The following NSD1 variants were observed in gnomAD, a reference collection of about 807,000 sequenced individuals.
NSD1 encodes the protein nuclear receptor binding SET domain protein 1.
In NSD1, 26 loss-of-function variants were observed where a neutral mutation model predicts 242.7. That is an observed-to-expected ratio of 0.11 (90% CI 0.08 to 0.15). NSD1 has a LOEUF of 0.15. Ranked by LOEUF, NSD1 falls within the 10% of genes least tolerant of loss-of-function variation. The probability of loss-of-function intolerance (pLI) is 1.00; values close to 1 mark genes in which losing one functional copy is unlikely to be tolerated. For synonymous variants in NSD1, 1,106 were observed against 1,178.1 expected (o/e 0.94, Z 1.25); for missense variants, 2,495 against 3,272.8 (o/e 0.76, Z 5.80).
At chr5:177,136,360 T>A (rs930269829) in intron 2 of NSD1, 14 of 231,778 alleles carry the variant, frequency 6.0e-5, no homozygotes, top group Middle Eastern at 1.6e-3. Context: ...GGTTTTGGCC[T>A]GCCAGCACCA....
chr5:177,229,253 C>T (rs1048737488), intron 5 of NSD1, among the ~76,000 whole-genome samples: 4 of 152,094 alleles, frequency 2.6e-5, no homozygotes, highest in African/African-American at 9.7e-5. Context: ...CTGAGGTCTA[C>T]GGCTATTGCT....
rs1230109287 is a variant in NSD1, at chr5:177,212,007, T to G, written c.3608T>G (p.Phe1203Cys). ...CCTGTGCAGGAGGGGCGGGATGAGT[T>G]TCCAGAGCATAGAACTCCTTCAGCA... ...SDPVQEGRDEFPEHRTPSASI... is the reference protein window; with the variant it reads ...SDPVQEGRDECPEHRTPSASI... The change falls in exon 5 of 23, where the codon TTT becomes TGT. Residue 1203 changes from phenylalanine to cysteine, a missense_variant. Around this residue, in one of 19 missense-constraint regions of NSD1, gnomAD observed 426 missense variants for 411.4 expected, o/e 1.04. Coordinates refer to ENST00000439151, the MANE Select transcript of NSD1 (RefSeq NM_022455.5). 3.1e-6 allele frequency: 5 copies of G among 1,613,882 alleles called. No homozygotes were observed. Among genetic ancestry groups the G allele is most frequent in the Non-Finnish European group, 4.2e-6 (5 of 1,179,946 alleles).
intron 16 of NSD1, among the ~76,000 whole-genome samples, chr5:177,270,433 G>T (rs1757862120): frequency 6.6e-6 from 1 of 152,202 alleles, no homozygotes; most frequent in Non-Finnish European, 1.5e-5. Flanking sequence ...ATTATAAAAA[G>T]TGTCCCTGCA....
intron 2 of NSD1, among the ~76,000 whole-genome samples, chr5:177,164,449 G>C (rs1189344506): frequency 1.3e-5 from 2 of 151,918 alleles, no homozygotes; most frequent in Non-Finnish European, 2.9e-5. Context: ...GAGCCACTGC[G>C]CCCGGGCTCA....
At chr5:177,190,966 CTTTTTTT>C (rs70991598) in intron 2 of NSD1, among the ~76,000 whole-genome samples, 1 of 127,382 alleles carries the variant, frequency 7.9e-6, no homozygotes, top group Admixed American at 8.1e-5. Context: ...TGCACCCAGC[CTTTTTTT>C]TTTTTTTCTT....
rs957001754 is a variant in NSD1, at chr5:177,204,007, C to T, written c.1064-113C>T. The T allele has an allele frequency of 6.0e-6, 6 of 993,604 alleles. No homozygotes were observed. The Admixed American group carries it at 8.6e-5, about 14-fold the overall frequency. The allele number at this position is 993,604 out of a possible 1,614,324, so 61.5% of individuals were successfully genotyped here. On this transcript the variant is annotated intron_variant, in intron 3 of 22. Coordinates refer to ENST00000439151, the MANE Select transcript of NSD1 (RefSeq NM_022455.5). The stretch of plus-strand genomic sequence containing the variant: ...ATTCTAGGTTGTCTAGTTCAGTGGG[C>T]ATGTTAGTTGTTTCCAGACAGTCTT...
chr5:177,282,412 T>A, intron 18 of NSD1, 53 bp from the exon 19 acceptor site: 1 of 1,078,572 alleles, frequency 9.3e-7, no homozygotes, highest in Non-Finnish European at 1.4e-6. Context: ...TGTATACATT[T>A]GGATACCAGT....
At chr5:177,185,858 AT>A (rs1487529759) in intron 2 of NSD1, among the ~76,000 whole-genome samples, 8 of 87,888 alleles carry the variant, frequency 9.1e-5, no homozygotes, top group African/African-American at 3.4e-4. Flanking sequence ...TATATTATAT[AT>A]TATATATTTA....
At position 177,257,973 on chromosome 5, in the gene NSD1, C is replaced by CTTTTTTT. The variant is rs35034666; in HGVS notation, c.4966+840_4966+846dup. On this transcript the variant is annotated intron_variant, in intron 13 of 22. Coordinates refer to ENST00000439151, the MANE Select transcript of NSD1 (RefSeq NM_022455.5). Reference sequence around the variant, plus strand: ...GCCACCACGCGTGGCCCCCCTGGGCCTTTTTTTTTTTTTTTTTTTTTTTTG... The same window carrying CTTTTTTT: ...GCCACCACGCGTGGCCCCCCTGGGCCTTTTTTTTTTTTTTTTTTTTTTTTTTTTTTTG... Among the ~76,000 whole-genome samples the CTTTTTTT allele has an allele frequency of 1.7e-3, 89 of 52,550 alleles. 2 individuals are homozygous for CTTTTTTT. The highest frequency in any genetic ancestry group is 2.1e-3 in the South Asian group (2 of 972). 34.5% of individuals were successfully genotyped at this position (52,550 alleles called of 152,430 possible).
At chr5:177,277,862 A>T in intron 17 of NSD1, among the ~76,000 whole-genome samples, 1 of 152,188 alleles carries the variant, frequency 6.6e-6, no homozygotes, top group East Asian at 1.9e-4. Context: ...AAACAAATAT[A>T]TATTTGTAGA....
chr5:177,174,318 C>T (rs943972223), intron 2 of NSD1, among the ~76,000 whole-genome samples: 1 of 152,174 alleles, frequency 6.6e-6, no homozygotes, highest in Non-Finnish European at 1.5e-5. Context: ...CGCGCCACTG[C>T]ACTCTGGCCT....
intron 17 of NSD1, among the ~76,000 whole-genome samples, chr5:177,279,610 ATTTTTTTTTTTT>A (rs536478404): frequency 0.014 from 1,315 of 95,482 alleles, 22 homozygotes; most frequent in African/African-American, 0.047. Flanking sequence ...AGCTTTGAAA[ATTTTTTTTTTTT>A]TTTTTTTTTT....
intron 11 of NSD1, 54 bp from the exon 12 acceptor site, chr5:177,251,676 A>G: frequency 4.4e-6 from 7 of 1,597,214 alleles, no homozygotes; most frequent in Non-Finnish European, 6.0e-6. Context: ...CACTGGTTTT[A>G]CTCTTGATTC....
Position 177,238,619 on chromosome 5 carries a change from C to A in NSD1, c.4192+112C>A. On this transcript the variant is annotated intron_variant, in intron 7 of 22. Coordinates refer to ENST00000439151, the MANE Select transcript of NSD1 (RefSeq NM_022455.5). The surrounding 1 kb of genome is among the most constrained non-coding windows in gnomAD (Gnocchi z 4.6). ...TTGTATCTATATACAATAAACTACC[C>A]CCTTTTGTCCTGGGAAATACTTAAA... is the stretch of plus-strand genomic sequence containing the variant. 2.5e-6 allele frequency: 3 copies of A among 1,210,978 alleles called. No individual in the cohort carries two copies. Among genetic ancestry groups the A allele is most frequent in the Non-Finnish European group, 2.4e-6 (2 of 832,448 alleles). The allele number at this position is 1,210,978 out of a possible 1,614,324, so 75.0% of individuals were successfully genotyped here.
chr5:177,210,144 T>C lies in NSD1; in HGVS notation c.1745T>C (p.Phe582Ser), dbSNP rs1376984290. ...SCGKNTAKKE[F>S]ETSNGDSLLG... is the part of the protein sequence containing the mutation. ...GGAAAAAACACTGCAAAGAAAGAAT[T>C]TGAGACTTCAAATGGTGACTCTTTA... Residue 582 changes from phenylalanine (F) to serine (S), a missense_variant, in exon 5 of 23, where the codon TTT becomes TCT. Around this residue, in one of 19 missense-constraint regions of NSD1, gnomAD observed 515 missense variants for 467.0 expected, o/e 1.10. Coordinates refer to ENST00000439151, the MANE Select transcript of NSD1 (RefSeq NM_022455.5). 7 of 1,613,200 alleles carry C rather than the reference T, an allele frequency of 4.3e-6. No homozygotes were observed. Among genetic ancestry groups the C allele is most frequent in the South Asian group, 1.1e-5 (1 of 90,894 alleles).
chr5:177,168,932 G>A (rs1469091806), intron 2 of NSD1, among the ~76,000 whole-genome samples: 1 of 152,178 alleles, frequency 6.6e-6, no homozygotes, highest in Non-Finnish European at 1.5e-5. Context: ...TGGAGGATGA[G>A]GCAAAACTTC....
At chr5:177,266,363 C>T (rs893144026) in intron 14 of NSD1, 11 of 684,762 alleles carry the variant, frequency 1.6e-5, no homozygotes, top group South Asian at 7.2e-5. Context: ...CTTGCGGGCC[C>T]GGCCTTGGCG....
At position 177,297,719 on chromosome 5, in the gene NSD1, T is replaced by G. The variant is rs1760340867; in HGVS notation, c.*2260T>G. ...AAAATTTTCCGTGGAGAAGTTTGATTCTAAAGTAGCTTCTCTAAAGTAGGC... is the reference window on the plus strand; with the variant it reads ...AAAATTTTCCGTGGAGAAGTTTGATGCTAAAGTAGCTTCTCTAAAGTAGGC... On this transcript the variant is annotated 3_prime_UTR_variant, in exon 23 of 23. Transcript: ENST00000439151. 1 of 232,876 alleles carries G rather than the reference T, an allele frequency of 4.3e-6. No homozygotes were observed. Among genetic ancestry groups the G allele is most frequent in the South Asian group, 1.8e-4 (1 of 5,510 alleles). The allele number at this position is 232,876 out of a possible 1,614,324, so 14.4% of individuals were successfully genotyped here. A position where few individuals can be genotyped will look rare whatever the true frequency, so the allele number is the denominator to read the frequency against.
At chr5:177,191,059 AG>A (rs1761651381) in intron 2 of NSD1, among the ~76,000 whole-genome samples, 2 of 142,054 alleles carry the variant, frequency 1.4e-5, no homozygotes, top group Non-Finnish European at 3.0e-5. Flanking sequence ...CTCCGCCTCC[AG>A]GGTTCAAGCG....
Sources: allele counts gnomAD v4.1 joint callset (sites outside exome capture counted in the v4.1 genomes callset), GRCh38; gene constraint gnomAD v4.1.1; regional missense constraint gnomAD v4.1.1; non-coding constraint Gnocchi (gnomAD v3.1); transcripts MANE v1.5; gene names NCBI Gene and HGNC (gene_info 2026-07-23, HGNC 2026-07-21).